PLEKHG1: variants seen among roughly 807,000 people sequenced by gnomAD.
The protein encoded by PLEKHG1 is pleckstrin homology domain-containing family G member 1.
A neutral mutation model predicts 100.8 loss-of-function variants in PLEKHG1; 44 were observed. The observed-to-expected ratio is 0.44, with a 90% CI of 0.34 to 0.56. PLEKHG1 has a LOEUF of 0.56. Ranked by LOEUF, PLEKHG1 falls within the 20% of genes least tolerant of loss-of-function variation. PLEKHG1 has a pLI of 0.01. For missense variants in PLEKHG1, 1,545 were observed against 1,720.9 expected (o/e 0.90, Z 1.81); for synonymous variants, 640 against 662.5 (o/e 0.97, Z 0.52).
chr6:150,756,026 C>T (rs1783822397), intron 2 of PLEKHG1, among the ~76,000 whole-genome samples: 1 of 152,104 alleles, frequency 6.6e-6, no homozygotes, highest in Non-Finnish European at 1.5e-5. Flanking sequence ...TGAAAAATCA[C>T]TTATGGAAAC....
chr6:150,606,140 A>T (rs1172182167), intron 1 of PLEKHG1, among the ~76,000 whole-genome samples: 1 of 152,194 alleles, frequency 6.6e-6, no homozygotes, highest in African/African-American at 2.4e-5. Flanking sequence ...TGAAACCTTC[A>T]CTTTGATTGC....
intron 3 of PLEKHG1, among the ~76,000 whole-genome samples, chr6:150,696,692 T>A (rs1780557539): frequency 6.6e-6 from 1 of 152,202 alleles, no homozygotes; most frequent in Admixed American, 6.5e-5. Context: ...TGATTTTTTT[T>A]AAAGTCTAGA....
At chr6:150,779,839 G>A (rs2128647040) in intron 3 of PLEKHG1, among the ~76,000 whole-genome samples, 1 of 151,730 alleles carries the variant, frequency 6.6e-6, no homozygotes, top group East Asian at 2.0e-4. Flanking sequence ...GGTGACACGT[G>A]CCTGTAGTCC....
chr6:150,832,030 AAGC>A (rs1776969558), exon 15 of PLEKHG1: 3 of 1,613,954 alleles, frequency 1.9e-6, no homozygotes, highest in South Asian at 2.2e-5. Context: ...ATAAGACAAA[AAGC>A]AGGGTGTTTA....
At chr6:150,793,059 T>A (rs964860974) in intron 4 of PLEKHG1, among the ~76,000 whole-genome samples, 1 of 152,208 alleles carries the variant, frequency 6.6e-6, no homozygotes, top group Admixed American at 6.5e-5. Context: ...AACACCAAAT[T>A]GATCACCTTT....
At chr6:150,809,792 C>T in intron 10 of PLEKHG1, 58 bp downstream of exon 11, 4 of 1,325,174 alleles carry the variant, frequency 3.0e-6, no homozygotes, top group Non-Finnish European at 4.3e-6. Context: ...TCATTTGAAC[C>T]TGGGAGGTGG....
At chr6:150,674,602 G>A (rs1779675888) in intron 3 of PLEKHG1, among the ~76,000 whole-genome samples, 1 of 135,624 alleles carries the variant, frequency 7.4e-6, no homozygotes, top group Non-Finnish European at 1.5e-5. Context: ...CTTAATGCCA[G>A]ATTACACCTG....
chr6:150,840,198 A>G (rs769952630), exon 16 of PLEKHG1: 1 of 1,614,218 alleles, frequency 6.2e-7, no homozygotes, highest in East Asian at 2.2e-5. Flanking sequence ...TCAGCCCAAC[A>G]AAGAGAACTG....
At chr6:150,733,305 A>G (rs1258207294) in intron 1 of PLEKHG1, among the ~76,000 whole-genome samples, 1 of 152,086 alleles carries the variant, frequency 6.6e-6, no homozygotes, top group Non-Finnish European at 1.5e-5. Flanking sequence ...CTCAAACTTT[A>G]ATGCTTCTAA....
intron 15 of PLEKHG1, among the ~76,000 whole-genome samples, chr6:150,833,076 T>A (rs1777042485): frequency 6.8e-6 from 1 of 146,076 alleles, no homozygotes. Context: ...AGGGTCTGGC[T>A]CTGTCACCCA....
intron 3 of PLEKHG1, among the ~76,000 whole-genome samples, chr6:150,670,076 T>A (rs1779533930): frequency 6.6e-6 from 1 of 152,240 alleles, no homozygotes; most frequent in Non-Finnish European, 1.5e-5. Context: ...TTTTTACCCT[T>A]GGTCCTCAAT....
chr6:150,655,650 G>A (rs915618520), intron 3 of PLEKHG1, among the ~76,000 whole-genome samples: 1 of 144,826 alleles, frequency 6.9e-6, no homozygotes, highest in African/African-American at 2.6e-5. Flanking sequence ...GGAGCTTGCA[G>A]TGAGCTGAGA....
At chr6:150,818,580 T>C (rs547859181) in intron 11 of PLEKHG1, among the ~76,000 whole-genome samples, 2 of 152,368 alleles carry the variant, frequency 1.3e-5, no homozygotes, top group Admixed American at 6.5e-5. Flanking sequence ...AAATGTTGAT[T>C]ATCTGCAAGA....
intron 3 of PLEKHG1, among the ~76,000 whole-genome samples, chr6:150,672,165 C>T (rs117973853): frequency 0.011 from 1,707 of 152,262 alleles, 17 homozygotes; most frequent in Non-Finnish European, 0.013. Flanking sequence ...CAAAGAACCC[C>T]TCTTTGGGTA....
intron 5 of PLEKHG1, among the ~76,000 whole-genome samples, chr6:150,800,339 G>A (rs893971544): frequency 3.3e-5 from 5 of 152,180 alleles, no homozygotes; most frequent in African/African-American, 4.8e-5. Context: ...AATCTAACGC[G>A]TGGAAATGGA....
At chr6:150,752,718 C>G (rs999427954) in intron 2 of PLEKHG1, among the ~76,000 whole-genome samples, 2 of 152,164 alleles carry the variant, frequency 1.3e-5, no homozygotes, top group African/African-American at 4.8e-5. Flanking sequence ...ACAAAGAATC[C>G]TCCTTACTCT....
At chr6:150,827,687 G>A in intron 14 of PLEKHG1, 1 of 1,012,816 alleles carries the variant, frequency 9.9e-7, no homozygotes, top group South Asian at 1.3e-5. Flanking sequence ...CGCAGACACT[G>A]AGTGGAATGA....
rs118118864 is a variant in PLEKHG1, at chr6:150,737,848, G to A, written c.411+3756G>A. Among the ~76,000 whole-genome samples the A allele has an allele frequency of 1.6e-4, 24 of 152,050 alleles. No individual in the cohort carries two copies. The East Asian group carries it at 3.9e-3, about 25-fold the overall frequency. On this transcript the variant is annotated intron_variant, in intron 2 of 15. Transcript: ENST00000358517. Reference sequence around the variant, plus strand: ...AATAAGCATCTCACCCTATCACCCAGGCTAGAGTGCAGTGGCACGATCATG... The same window carrying A: ...AATAAGCATCTCACCCTATCACCCAAGCTAGAGTGCAGTGGCACGATCATG...
intron 10 of PLEKHG1, 125 bp from the exon 12 acceptor site, chr6:150,818,058 A>G: frequency 1.3e-6 from 1 of 786,696 alleles, no homozygotes; most frequent in Non-Finnish European, 2.1e-6. Flanking sequence ...TGCTTAACAT[A>G]AATAGCGAGT....
Sources: gnomAD v4.1 joint callset for allele counts (sites outside exome capture counted in the v4.1 genomes callset) on GRCh38, gnomAD v4.1.1 for gene constraint, MANE v1.5 for transcripts, NCBI Gene and HGNC (gene_info 2026-07-23, HGNC 2026-07-21) for gene names.